ATP10A: variants seen among roughly 807,000 people sequenced by gnomAD.
ATP10A encodes the protein phospholipid-transporting ATPase VA.
Under a neutral mutation model 147.8 loss-of-function variants are expected in ATP10A, and 111 were observed. The observed-to-expected ratio is 0.75, with a 90% CI of 0.64 to 0.88. The LOEUF is 0.88. Ranked by LOEUF, ATP10A falls within the 40% of genes least tolerant of loss-of-function variation. ATP10A has a pLI of 0.00. For missense variants in ATP10A, 1,927 were observed against 1,959.0 expected (o/e 0.98, Z 0.31); for synonymous variants, 875 against 841.6 (o/e 1.04, Z -0.69).
chr15:25,685,454 T>C (rs944393154), intron 16 of ATP10A, among the ~76,000 whole-genome samples: 2 of 152,210 alleles, frequency 1.3e-5, no homozygotes, highest in African/African-American at 4.8e-5. Flanking sequence ...TACATCATTC[T>C]TGCCCTCCCT....
intron 13 of ATP10A, among the ~76,000 whole-genome samples, chr15:25,696,872 T>A (rs1160821717): frequency 6.6e-6 from 1 of 152,224 alleles, no homozygotes; most frequent in Non-Finnish European, 1.5e-5. Flanking sequence ...TATGCAGGAA[T>A]GGCAGTGGCA....
At chr15:25,835,508 G>A (rs1434829948) in intron 1 of ATP10A, among the ~76,000 whole-genome samples, 22 of 152,104 alleles carry the variant, frequency 1.4e-4, no homozygotes, top group Admixed American at 1.4e-3. Context: ...CTGACTATGG[G>A]GTCAGCACAG....
At position 25,690,230 on chromosome 15, in the gene ATP10A, T is replaced by C. The variant is rs1166109042; in HGVS notation, c.3165+1485A>G. On this transcript the variant is annotated intron_variant, in intron 15 of 20. Transcript: ENST00000555815. Reference sequence around the variant, plus strand: ...CACCTACGTTTTCCTTAATTTTTTTTCCTTTTTTTTAAAAAAAAAAAAAAA... The same window carrying C: ...CACCTACGTTTTCCTTAATTTTTTTCCCTTTTTTTTAAAAAAAAAAAAAAA... Among the ~76,000 whole-genome samples, 8 of 121,612 alleles carry C rather than the reference T, an allele frequency of 6.6e-5. No individual in the cohort carries two copies. In the South Asian group the frequency reaches 1.6e-3, roughly 24 times the overall value. The allele number at this position is 121,612 out of a possible 152,430, so 79.8% of individuals were successfully genotyped here.
At chr15:25,754,797 T>C (rs918346512) in intron 2 of ATP10A, among the ~76,000 whole-genome samples, 1 of 152,148 alleles carries the variant, frequency 6.6e-6, no homozygotes, top group Non-Finnish European at 1.5e-5. Context: ...TAATCCGGAA[T>C]TACAGCAGCC....
rs746284001 is a variant in ATP10A, at chr15:25,683,508, C to T, written c.3292-22G>A. On this transcript the variant is annotated intron_variant, in intron 16 of 20. Transcript: ENST00000555815. ...ACATCTGAAATCAAGAAAGGAAGAACAGGAACAGGCGAGTCTTCAGCCATT... is the reference window on the plus strand; with the variant it reads ...ACATCTGAAATCAAGAAAGGAAGAATAGGAACAGGCGAGTCTTCAGCCATT... 4.4e-6 allele frequency: 7 copies of T among 1,596,906 alleles called. No homozygotes were observed. In the Admixed American group the frequency reaches 6.9e-5, roughly 16 times the overall value.
rs1050046373 is a variant in ATP10A at position 25,769,410 on chromosome 15, T to TG, written c.654+11608dup. Among the ~76,000 whole-genome samples the TG allele has an allele frequency of 3.1e-4, 39 of 126,270 alleles. No homozygotes were observed. The South Asian group carries it at 4.5e-3, about 15-fold the overall frequency. 82.8% of individuals were successfully genotyped at this position (126,270 alleles called of 152,430 possible). ...GCTGAGGCAGAGAATTGCTTGAACC[T>TG]GGGGGGGCGGAGGTTACAGTGAGCC... On this transcript the variant is annotated intron_variant, in intron 2 of 20. Transcript: ENST00000555815.
downstream of ATP10A, chr15:25,677,846 C>T (rs1899170621): frequency 6.6e-6 from 1 of 152,290 alleles, no homozygotes; most frequent in Non-Finnish European, 1.5e-5. Flanking sequence ...TCAGCACGTT[C>T]CCCTCCATTT....
At chr15:25,714,963 T>TACAC (rs1275069986) in intron 9 of ATP10A, among the ~76,000 whole-genome samples, 95 of 123,976 alleles carry the variant, frequency 7.7e-4, no homozygotes, top group African/African-American at 2.9e-3. Flanking sequence ...GAATGACACA[T>TACAC]ATACACACAC....
intron 1 of ATP10A, among the ~76,000 whole-genome samples, chr15:25,791,117 G>A (rs1472530723): frequency 1.5e-5 from 2 of 129,790 alleles, no homozygotes; most frequent in African/African-American, 5.8e-5. Context: ...CCCTTGCTCT[G>A]TCGCCCAGGC....
Position 25,726,095 on chromosome 15 carries a change from A to G in ATP10A, c.848-13T>C. The G allele has an allele frequency of 6.2e-7, 1 of 1,611,954 alleles. No individual in the cohort carries two copies. Among genetic ancestry groups the G allele is most frequent in the African/African-American group, 1.3e-5 (1 of 74,998 alleles). The stretch of plus-strand genomic sequence containing the variant: ...TTGGTTTCATGTCCTGTCGGGGAGG[A>G]CAAAGAGACATGGCAAGTCAGAGAC... On this transcript the variant is annotated splice_polypyrimidine_tract_variant and intron_variant, in intron 4 of 20. Transcript: ENST00000555815.
chr15:25,778,508 C>A (rs55798319), intron 2 of ATP10A, among the ~76,000 whole-genome samples: 22,567 of 142,318 alleles, frequency 0.16, 1,879 homozygotes, highest in Non-Finnish European at 0.18. Context: ...AAAAAAAAAA[C>A]CCAGAAAGTC....
At chr15:25,799,846 C>G (rs56397327) in intron 1 of ATP10A, among the ~76,000 whole-genome samples, 21,207 of 152,240 alleles carry the variant, frequency 0.14, 1,668 homozygotes, top group Middle Eastern at 0.22. Context: ...TATTTATCAA[C>G]TGGTACATTT....
intron 2 of ATP10A, among the ~76,000 whole-genome samples, chr15:25,776,456 A>T (rs1889610258): frequency 6.6e-6 from 1 of 152,244 alleles, no homozygotes; most frequent in East Asian, 1.9e-4. Flanking sequence ...AATTGTGTTT[A>T]AAAATGTTTG....
Position 25,724,038 on chromosome 15 carries a change from A to T in ATP10A, c.980-17T>A. 2.7e-6 allele frequency: 4 copies of T among 1,504,054 alleles called. No homozygotes were observed. The highest frequency in any genetic ancestry group is 3.6e-6 in the Non-Finnish European group (4 of 1,125,046). 93.2% of individuals were successfully genotyped at this position (1,504,054 alleles called of 1,614,324 possible). A position where few individuals can be genotyped will look rare whatever the true frequency, so the allele number is the denominator to read the frequency against. On this transcript the variant is annotated splice_polypyrimidine_tract_variant and intron_variant, in intron 5 of 20. Coordinates refer to ENST00000555815, the MANE Select transcript of ATP10A (RefSeq NM_024490.4). ...GTCCATGTCCTGTAGTAATGTTCAA[A>T]GAGAAATGTCATTCATCCAATGGAA...
chr15:25,790,963 T>C (rs1890390955), intron 1 of ATP10A, among the ~76,000 whole-genome samples: 3 of 152,186 alleles, frequency 2.0e-5, no homozygotes, highest in Admixed American at 2.0e-4. Context: ...AGTTTTGCAT[T>C]GTAAATATTT....
intron 13 of ATP10A, among the ~76,000 whole-genome samples, chr15:25,700,189 T>C (rs1900582297): frequency 6.6e-6 from 1 of 152,100 alleles, no homozygotes; most frequent in South Asian, 2.1e-4. Flanking sequence ...AAGATACCAC[T>C]ACACACCCAT....
intron 1 of ATP10A, chr15:25,841,790 G>GTC (rs1892823899): frequency 6.6e-6 from 1 of 152,142 alleles, no homozygotes; most frequent in Non-Finnish European, 1.5e-5. Context: ...AAACTTATAT[G>GTC]TAAGTATTTT....
intron 1 of ATP10A, among the ~76,000 whole-genome samples, chr15:25,787,459 C>T (rs2140731475): frequency 6.6e-6 from 1 of 151,828 alleles, no homozygotes; most frequent in Admixed American, 6.6e-5. Context: ...CCAAAAAATA[C>T]AAGAATGAGC....
In ATP10A at chr15:25,842,699, C is replaced by T. The variant is rs752810987; in HGVS notation, c.449+19949G>A. 6.6e-5 allele frequency among the ~76,000 whole-genome samples: 10 copies of T among 151,994 alleles called. No homozygotes were observed. In the Middle Eastern group the frequency reaches 0.01, roughly 155 times the overall value. On this transcript the variant is annotated intron_variant, in intron 1 of 20. Coordinates refer to ENST00000555815, the MANE Select transcript of ATP10A (RefSeq NM_024490.4). ...ATCTCTGATTGTATAGATAGGTAAA[C>T]GTCTTTGACTCCATAATCAAGCAGA...
Sources: gnomAD v4.1 joint callset for allele counts (sites outside exome capture counted in the v4.1 genomes callset) on GRCh38, gnomAD v4.1.1 for gene constraint, MANE v1.5 for transcripts, NCBI Gene and HGNC (gene_info 2026-07-23, HGNC 2026-07-21) for gene names.